Variants in NUP85 observed in about 807,000 individuals in gnomAD.
The protein encoded by NUP85 is nuclear pore complex protein Nup85.
NUP85 carries 23 observed loss-of-function variants against 92.8 expected under a neutral mutation model. The ratio of observed to expected loss-of-function variants is 0.25; its 90% CI spans 0.18 to 0.35. NUP85 has a LOEUF of 0.35. Ranked by LOEUF, NUP85 falls within the 10% of genes least tolerant of loss-of-function variation. The probability of loss-of-function intolerance (pLI) is 1.00; values close to 1 mark genes in which losing one functional copy is unlikely to be tolerated. For synonymous variants in NUP85, 314 were observed against 306.9 expected, an observed-to-expected ratio of 1.02 and a Z score of -0.24; for missense variants, 759 against 822.8, an observed-to-expected ratio of 0.92 and a Z score of 0.95.
intron 18 of NUP85, 139 bp from the exon 19 acceptor site, chr17:75,235,439 G>A: frequency 1.6e-6 from 1 of 643,446 alleles, no homozygotes; most frequent in East Asian, 2.7e-5. Context: ...CTTTGGTATT[G>A]CTTTCTTTTA....
rs2076254522 is a variant in NUP85, at chr17:75,234,653, C to T, written c.1632C>T (p.Phe544=). ...RLTFLGKYRE[F]HRMYGEKRFA... ...TCGCCATAGGAAAGTATCGCGAGTT[C>T]CACCGTATGTACGGGGAGAAGCGTT... The change falls in exon 17 of 19, where the codon TTC becomes TTT. Residue 544 remains phenylalanine, a synonymous_variant. Transcript: ENST00000245544. 2 of 1,614,160 alleles carry T rather than the reference C, an allele frequency of 1.2e-6. No homozygotes were observed. The highest frequency in any genetic ancestry group is 1.7e-6 in the Non-Finnish European group (2 of 1,180,020).
At chr17:75,228,758 G>C in intron 11 of NUP85, 6 of 985,318 alleles carry the variant, frequency 6.1e-6, no homozygotes, top group Non-Finnish European at 7.2e-6. Flanking sequence ...TGAACATGGA[G>C]AAGGGAGGTT....
Position 75,234,139 on chromosome 17 carries a change from C to T in NUP85, c.1616-498C>T, listed in dbSNP as rs184061438. Among the ~76,000 whole-genome samples, 4 of 151,900 alleles carry T rather than the reference C, an allele frequency of 2.6e-5. No individual in the cohort carries two copies. In the East Asian group the frequency reaches 7.7e-4, roughly 29 times the overall value. On this transcript the variant is annotated intron_variant, in intron 16 of 18. Transcript: ENST00000245544. Reference sequence around the variant, plus strand: ...CAATCTTGGCTCACTGCAACCTCCACCTCCCGGGTTCAAGCCATTCTTCCT... The same window carrying T: ...CAATCTTGGCTCACTGCAACCTCCATCTCCCGGGTTCAAGCCATTCTTCCT...
At chr17:75,222,156 CT>C (rs2075615142) in intron 7 of NUP85, among the ~76,000 whole-genome samples, 1 of 151,970 alleles carries the variant, frequency 6.6e-6, no homozygotes, top group Non-Finnish European at 1.5e-5. Flanking sequence ...TGATCCTCCC[CT>C]CCTAAGCCTC....
Position 75,223,043 on chromosome 17 carries a change from A to AAC in NUP85, c.598-2059_598-2058insCA, listed in dbSNP as rs200560962. ...GCAAGACTCTGTCTCAAAAAAAAAA[A>AAC]AAAAAAAAAAACTCAGGGCCAACAG... On this transcript the variant is annotated intron_variant, in intron 7 of 18. Transcript: ENST00000245544. Among the ~76,000 whole-genome samples the AAC allele has an allele frequency of 5.9e-4, 63 of 106,344 alleles. 1 individual carries two copies. Among genetic ancestry groups the AAC allele is most frequent in the East Asian group, 3.0e-3 (8 of 2,660 alleles). 69.8% of individuals were successfully genotyped at this position (106,344 alleles called of 152,430 possible). A position where few individuals can be genotyped will look rare whatever the true frequency, so the allele number is the denominator to read the frequency against.
At chr17:75,218,338 T>G (rs778558091) in intron 7 of NUP85, 32 bp downstream of exon 7, 1 of 1,610,078 alleles carries the variant, frequency 6.2e-7, no homozygotes, top group Non-Finnish European at 8.5e-7. Flanking sequence ...CCTCCCACCA[T>G]GTGTCCTACT....
intron 5 of NUP85, among the ~76,000 whole-genome samples, chr17:75,215,162 A>G (rs1411088066): frequency 6.6e-6 from 1 of 152,210 alleles, no homozygotes; most frequent in Non-Finnish European, 1.5e-5. Flanking sequence ...CAAGAGCCAA[A>G]CTCCATCTCA....
chr17:75,229,426 T>C (rs1280130368), intron 11 of NUP85, among the ~76,000 whole-genome samples: 1 of 152,170 alleles, frequency 6.6e-6, no homozygotes, highest in Non-Finnish European at 1.5e-5. Flanking sequence ...TCACCGTAGC[T>C]GGTCTTCCCA....
In NUP85 at chr17:75,235,020, AC is replaced by A. The variant is rs559469307; in HGVS notation, c.1768-79del. On this transcript the variant is annotated intron_variant, in intron 17 of 18. Coordinates refer to ENST00000245544, the MANE Select transcript of NUP85 (RefSeq NM_024844.5). Reference sequence around the variant, plus strand: ...TATTGCGAAGGGTATGAAAGGAAGAACGTCCGAACATGGGCCCCTGCCCCAA... The same window carrying A: ...TATTGCGAAGGGTATGAAAGGAAGAAGTCCGAACATGGGCCCCTGCCCCAA... 243 of 1,185,456 alleles carry A rather than the reference AC, an allele frequency of 2.0e-4. 2 individuals carry two copies. The East Asian group carries it at 5.5e-3, about 27-fold the overall frequency. 73.4% of individuals were successfully genotyped at this position (1,185,456 alleles called of 1,614,324 possible).
At chr17:75,208,758 C>G (rs1817545197) in intron 2 of NUP85, 138 bp downstream of exon 2, 1 of 674,892 alleles carries the variant, frequency 1.5e-6, no homozygotes, top group South Asian at 1.7e-5. Context: ...ATTTTGTTTT[C>G]AAGATACAAC....
intron 3 of NUP85, 108 bp from the exon 4 acceptor site, chr17:75,211,884 C>A: frequency 1.2e-6 from 1 of 839,840 alleles, no homozygotes; most frequent in Non-Finnish European, 2.0e-6. Flanking sequence ...TTCACAACGG[C>A]TCTCCTCTTT....
At chr17:75,229,570 G>A (rs189862253) in intron 11 of NUP85, among the ~76,000 whole-genome samples, 2 of 152,302 alleles carry the variant, frequency 1.3e-5, no homozygotes, top group East Asian at 1.9e-4. Flanking sequence ...CAGAGTGAGA[G>A]AGAGACAGAG....
Position 75,208,581 on chromosome 17 carries a change from G to C in NUP85, c.88G>C (p.Gly30Arg), listed in dbSNP as rs746601630. Residue 30 changes from glycine (G) to arginine (R), a missense_variant, in exon 2 of 19, where the codon GGG (glycine) becomes CGG (arginine). Physicochemically the swap from Gly to Arg is moderately radical, Grantham distance 125. Transcript: ENST00000245544. Reference sequence around the variant, plus strand: ...CCAAATGTATTTTGACTGGGGTCCAGGGGAGATGCTGGTATGTGAAACCTC... The same window carrying C: ...CCAAATGTATTTTGACTGGGGTCCACGGGAGATGCTGGTATGTGAAACCTC... ...KNQMYFDWGP[G>R]EMLVCETSFN... 23 of 1,609,832 alleles carry C rather than the reference G, an allele frequency of 1.4e-5. No individual in the cohort carries two copies. Among genetic ancestry groups the C allele is most frequent in the Non-Finnish European group, 4.2e-6 (5 of 1,176,600 alleles).
chr17:75,228,153 T>A (rs947731223), intron 11 of NUP85: 24 of 980,920 alleles, frequency 2.4e-5, no homozygotes, highest in Non-Finnish European at 2.5e-5. Flanking sequence ...AAGCCCTGTA[T>A]CTGGATTTTT....
chr17:75,225,892 T>G, intron 10 of NUP85, 63 bp downstream of exon 10: 1 of 1,606,300 alleles, frequency 6.2e-7, no homozygotes, highest in South Asian at 1.1e-5. Context: ...TGATGGGTCA[T>G]TCTCTTTGAA....
intron 11 of NUP85, chr17:75,226,717 A>G (rs1054663497): frequency 1.1e-5 from 5 of 446,860 alleles, no homozygotes; most frequent in African/African-American, 1.0e-4. Flanking sequence ...CTTGAGGGCT[A>G]CCATATACAT....
At chr17:75,228,827 G>A in intron 11 of NUP85, 1 of 985,478 alleles carries the variant, frequency 1.0e-6, no homozygotes, top group Non-Finnish European at 1.2e-6. Flanking sequence ...CTAAGGGGCA[G>A]AAAAGGCAGC....
rs116026675 is a variant in NUP85 at position 75,210,556 on chromosome 17, T to G, written c.290+571T>G. On this transcript the variant is annotated intron_variant, in intron 3 of 18. Transcript: ENST00000245544. ...GAAGTTTAAGAACTCCTGTGTTAGA[T>G]TTTTGTCAGCGTCCCTTCACATGGA... Among the ~76,000 whole-genome samples, 842 of 152,308 alleles carry G rather than the reference T, an allele frequency of 5.5e-3. 7 individuals carry two copies. Among genetic ancestry groups the G allele is most frequent in the African/African-American group, 0.019 (790 of 41,564 alleles).
At chr17:75,234,928 A>G in intron 17 of NUP85, 140 bp downstream of exon 17, 1 of 1,154,410 alleles carries the variant, frequency 8.7e-7, no homozygotes, top group Non-Finnish European at 1.3e-6. Flanking sequence ...CCTCTCTGGG[A>G]TTCCAGACTC....
Sources: gnomAD v4.1 joint callset for allele counts (sites outside exome capture counted in the v4.1 genomes callset) on GRCh38, gnomAD v4.1.1 for gene constraint, MANE v1.5 for transcripts, NCBI Gene and HGNC (gene_info 2026-07-23, HGNC 2026-07-21) for gene names.